The following ASTN2 variants were observed in gnomAD, a reference collection of about 807,000 sequenced individuals.
The protein encoded by ASTN2 is astrotactin 2.
Under a neutral mutation model 139.8 loss-of-function variants are expected in ASTN2, and 54 were observed. The observed-to-expected ratio is 0.39, with a 90% CI of 0.31 to 0.48. The LOEUF is 0.48. ASTN2 is among the 20% of genes least tolerant of loss of function. The pLI is 0.95. For missense variants in ASTN2, 1,565 were observed against 1,725.1 expected, an observed-to-expected ratio of 0.91 and a Z score of 1.64; for synonymous variants, 756 against 719.5, an observed-to-expected ratio of 1.05 and a Z score of -0.81.
chr9:116,875,941 T>C (rs1191612819), intron 10 of ASTN2, among the ~76,000 whole-genome samples: 1 of 152,240 alleles, frequency 6.6e-6, no homozygotes, highest in Non-Finnish European at 1.5e-5. Context: ...TCATGCATTC[T>C]AACACAGCAT....
At chr9:117,375,914 T>G (rs1291494700) in intron 1 of ASTN2, among the ~76,000 whole-genome samples, 1 of 152,068 alleles carries the variant, frequency 6.6e-6, no homozygotes, top group Non-Finnish European at 1.5e-5. Flanking sequence ...CCTGGCACCT[T>G]CCTCCCACTT....
intron 5 of ASTN2, among the ~76,000 whole-genome samples, chr9:117,072,982 A>C (rs1027284942): frequency 6.6e-6 from 1 of 152,168 alleles, no homozygotes; most frequent in African/African-American, 2.4e-5. Flanking sequence ...AGATGAAGAG[A>C]GATCAAGAAG....
At chr9:116,488,996 A>G (rs1464522008) in intron 19 of ASTN2, among the ~76,000 whole-genome samples, 2 of 152,228 alleles carry the variant, frequency 1.3e-5, no homozygotes, top group Non-Finnish European at 2.9e-5. Context: ...TATACCGCAC[A>G]GTATAAAATG....
intron 6 of ASTN2, among the ~76,000 whole-genome samples, chr9:117,026,034 G>A (rs2094023358): frequency 6.6e-6 from 1 of 151,686 alleles, no homozygotes; most frequent in South Asian, 2.1e-4. Flanking sequence ...CAAAGTGTTG[G>A]GATTACAGGC....
At chr9:116,606,927 T>G (rs143117113) in intron 19 of ASTN2, among the ~76,000 whole-genome samples, 2 of 152,342 alleles carry the variant, frequency 1.3e-5, no homozygotes, top group East Asian at 3.9e-4. Context: ...CCATATTTTT[T>G]CATTAGGCTT....
chr9:116,889,045 C>G (rs528940038), intron 10 of ASTN2, among the ~76,000 whole-genome samples: 4 of 152,188 alleles, frequency 2.6e-5, no homozygotes, highest in African/African-American at 9.6e-5. Context: ...TTTAAAACAC[C>G]CTTAATTTTT....
intron 20 of ASTN2, among the ~76,000 whole-genome samples, chr9:116,445,073 A>G (rs1250517547): frequency 2.0e-5 from 3 of 152,340 alleles, no homozygotes; most frequent in Non-Finnish European, 4.4e-5. Flanking sequence ...CATGACTCAT[A>G]GTGCATACAC....
At chr9:117,362,076 G>A (rs1206353201) in intron 1 of ASTN2, among the ~76,000 whole-genome samples, 1 of 152,150 alleles carries the variant, frequency 6.6e-6, no homozygotes, top group African/African-American at 2.4e-5. Flanking sequence ...CTGGGTTCAG[G>A]TGATTCTCCT....
intron 3 of ASTN2, among the ~76,000 whole-genome samples, chr9:117,175,501 T>C (rs1321133718): frequency 6.6e-6 from 1 of 151,876 alleles, no homozygotes; most frequent in Non-Finnish European, 1.5e-5. Flanking sequence ...CAGAAGAAAA[T>C]GAATGAGGGA....
chr9:116,515,654 A>T (rs1238844002), intron 19 of ASTN2, among the ~76,000 whole-genome samples: 1 of 152,106 alleles, frequency 6.6e-6, no homozygotes, highest in Non-Finnish European at 1.5e-5. Context: ...CTTGTCTTTT[A>T]AATGCATTTG....
Position 116,698,086 on chromosome 9 carries a change from G to A in ASTN2, c.2806+27685C>T. The A allele has an allele frequency of 6.2e-7, 1 of 1,614,164 alleles. No homozygotes were observed. ...CTGCCCCGGCAATTCTGCCGGAGCT[G>A]TGGTTTGGTGTTATGTGAGCCCTGC... On this transcript the variant is annotated intron_variant, in intron 16 of 22. Transcript: ENST00000313400. This position sits in a 1 kb window ranked among gnomAD's most constrained non-coding sequence, Gnocchi z 4.4.
chr9:117,020,321 T>C (rs1042934418), intron 6 of ASTN2, among the ~76,000 whole-genome samples: 7 of 150,936 alleles, frequency 4.6e-5, no homozygotes, highest in African/African-American at 1.5e-4. Context: ...GTCAAACACA[T>C]AGAAGGTGAT....
chr9:116,928,063 C>A (rs1215695589), intron 10 of ASTN2, among the ~76,000 whole-genome samples: 1 of 152,044 alleles, frequency 6.6e-6, no homozygotes, highest in Non-Finnish European at 1.5e-5. Context: ...GACTCAGCTT[C>A]CCTCCCTGTT....
At chr9:116,464,714 T>G (rs1331977986) in intron 20 of ASTN2, among the ~76,000 whole-genome samples, 1 of 152,190 alleles carries the variant, frequency 6.6e-6, no homozygotes, top group African/African-American at 2.4e-5. Flanking sequence ...CAGAGAGCCT[T>G]TGTACTGGGC....
intron 1 of ASTN2, among the ~76,000 whole-genome samples, chr9:117,314,998 T>C (rs1322186522): frequency 6.8e-6 from 1 of 147,970 alleles, no homozygotes; most frequent in Non-Finnish European, 1.5e-5. Context: ...TATATAATAA[T>C]ATATTACTTA....
intron 22 of ASTN2, among the ~76,000 whole-genome samples, chr9:116,432,754 GCC>G (rs1371540834): frequency 3.9e-5 from 6 of 152,030 alleles, no homozygotes; most frequent in Non-Finnish European, 8.8e-5. Flanking sequence ...ACACGGTGAA[GCC>G]CCGTCTCTAC....
At chr9:117,276,598 A>G (rs1322943039) in intron 2 of ASTN2, among the ~76,000 whole-genome samples, 1 of 152,232 alleles carries the variant, frequency 6.6e-6, no homozygotes, top group African/African-American at 2.4e-5. Flanking sequence ...AAGGACTGTA[A>G]TAAAACAGGA....
intron 5 of ASTN2, among the ~76,000 whole-genome samples, chr9:117,042,169 T>A (rs532167069): frequency 5.0e-4 from 76 of 152,270 alleles, no homozygotes; most frequent in African/African-American, 1.8e-3. Flanking sequence ...CATCCAACAC[T>A]GGCCATACAA....
At chr9:116,433,909 T>C (rs946218537) in intron 22 of ASTN2, among the ~76,000 whole-genome samples, 8 of 152,236 alleles carry the variant, frequency 5.3e-5, no homozygotes, top group Non-Finnish European at 1.2e-4. Context: ...TTTTCAAAAA[T>C]GTGTTCTTTG....
Sources: gnomAD v4.1 joint callset for allele counts (sites outside exome capture counted in the v4.1 genomes callset) on GRCh38, gnomAD v4.1.1 for gene constraint, Gnocchi (gnomAD v3.1) non-coding constraint, MANE v1.5 for transcripts, NCBI Gene and HGNC (gene_info 2026-07-23, HGNC 2026-07-21) for gene names.